The following NCOA3 variants were observed in gnomAD, a reference collection of about 807,000 sequenced individuals.
NCOA3 encodes the protein nuclear receptor coactivator 3, also known as CBP-interacting protein.
Under a neutral mutation model 158.8 loss-of-function variants are expected in NCOA3, and 51 were observed. That is an observed-to-expected ratio of 0.32 (90% CI 0.26 to 0.41). The LOEUF is 0.41. Ranked by LOEUF, NCOA3 falls within the 10% of genes least tolerant of loss-of-function variation. The pLI is 1.00. For synonymous variants in NCOA3, 537 were observed against 592.4 expected, an observed-to-expected ratio of 0.91 and a Z score of 1.36; for missense variants, 1,510 against 1,746.6, an observed-to-expected ratio of 0.86 and a Z score of 2.41.
chr20:47,616,998 A>G (rs1192349250), intron 2 of NCOA3, among the ~76,000 whole-genome samples: 1 of 152,124 alleles, frequency 6.6e-6, no homozygotes, highest in Non-Finnish European at 1.5e-5. Flanking sequence ...TCTGTCATCC[A>G]GGCTGGAGTG....
intron 1 of NCOA3, among the ~76,000 whole-genome samples, chr20:47,511,639 C>T (rs1484611346): frequency 6.8e-6 from 1 of 147,344 alleles, no homozygotes; most frequent in African/African-American, 2.5e-5. Flanking sequence ...CAACCTCCAC[C>T]TCCCCGGTTC....
At chr20:47,529,974 T>G (rs577765817) in intron 1 of NCOA3, among the ~76,000 whole-genome samples, 3 of 152,372 alleles carry the variant, frequency 2.0e-5, no homozygotes, top group East Asian at 3.8e-4. Flanking sequence ...AATTTTCCAC[T>G]ATTTCCCATA....
At chr20:47,633,762 C>G in intron 9 of NCOA3, 126 bp downstream of exon 9, 2 of 1,083,942 alleles carry the variant, frequency 1.8e-6, no homozygotes, top group Non-Finnish European at 2.7e-6. Context: ...TTCTGAGTAG[C>G]CAAGACTGCA....
intron 1 of NCOA3, among the ~76,000 whole-genome samples, chr20:47,522,431 T>A (rs2084357637): frequency 6.7e-6 from 1 of 149,138 alleles, no homozygotes; most frequent in African/African-American, 2.5e-5. Flanking sequence ...TTTTGTGGTT[T>A]TAAGGAGAGA....
chr20:47,542,719 T>A (rs1025022405), intron 1 of NCOA3, among the ~76,000 whole-genome samples: 4 of 152,140 alleles, frequency 2.6e-5, no homozygotes. Context: ...CCCAGCGCTT[T>A]GGGAAGCCCA....
chr20:47,532,728 T>C (rs1201135224), intron 1 of NCOA3, among the ~76,000 whole-genome samples: 1 of 152,120 alleles, frequency 6.6e-6, no homozygotes, highest in Non-Finnish European at 1.5e-5. Context: ...CCACCTCAGC[T>C]TCCCAAAGTA....
chr20:47,519,747 GC>G (rs2084295527), intron 1 of NCOA3, among the ~76,000 whole-genome samples: 1 of 152,098 alleles, frequency 6.6e-6, no homozygotes, highest in Admixed American at 6.6e-5. Context: ...GGGCAATGTG[GC>G]AAAACTCTTG....
At chr20:47,502,361 C>T (rs1343818980) in intron 1 of NCOA3, among the ~76,000 whole-genome samples, 2 of 152,094 alleles carry the variant, frequency 1.3e-5, no homozygotes, top group African/African-American at 4.8e-5. Flanking sequence ...AAAGTTTTTT[C>T]TTCCTCTTGC....
intron 2 of NCOA3, among the ~76,000 whole-genome samples, chr20:47,605,517 T>C (rs2085931985): frequency 6.6e-6 from 1 of 152,148 alleles, no homozygotes; most frequent in African/African-American, 2.4e-5. Context: ...ATAATAACTT[T>C]AGCTATTGAT....
chr20:47,565,233 G>A (rs1042485805), intron 1 of NCOA3, among the ~76,000 whole-genome samples: 1 of 152,070 alleles, frequency 6.6e-6, no homozygotes, highest in African/African-American at 2.4e-5. Context: ...CGCCTGCCTC[G>A]GCCTCCCAAT....
intron 2 of NCOA3, among the ~76,000 whole-genome samples, chr20:47,621,626 C>G (rs2086241478): frequency 6.8e-6 from 1 of 147,870 alleles, no homozygotes; most frequent in African/African-American, 2.6e-5. Flanking sequence ...AAATTTTAAC[C>G]AAAGCATACT....
At chr20:47,529,664 A>G (rs367895549) in intron 1 of NCOA3, among the ~76,000 whole-genome samples, 3 of 152,006 alleles carry the variant, frequency 2.0e-5, no homozygotes, top group Admixed American at 6.6e-5. Flanking sequence ...CACCGGCTCA[A>G]CCTCTCAAAG....
At position 47,516,750 on chromosome 20, in the gene NCOA3, G is replaced by T. The variant is rs573601476; in HGVS notation, c.-99+14731G>T. Among the ~76,000 whole-genome samples, 10 of 151,828 alleles carry T rather than the reference G, an allele frequency of 6.6e-5. No individual in the cohort carries two copies. The East Asian group carries it at 1.9e-3, about 29-fold the overall frequency. On this transcript the variant is annotated intron_variant, in intron 1 of 22. Coordinates refer to ENST00000371998, the MANE Select transcript of NCOA3 (RefSeq NM_181659.3). ...AGCCTGGCCAACATGGTAAAACCCT[G>T]TCTCTACAAAAAAGTACAAAAATAA...
chr20:47,534,514 C>T (rs35322196), intron 1 of NCOA3, among the ~76,000 whole-genome samples: 31,257 of 151,998 alleles, frequency 0.21, 3,711 homozygotes, highest in Middle Eastern at 0.3. Flanking sequence ...ACGTTGTGGA[C>T]GTTCAGAAAA....
intron 2 of NCOA3, among the ~76,000 whole-genome samples, chr20:47,598,087 A>G (rs1380034695): frequency 3.3e-5 from 5 of 151,268 alleles, no homozygotes; most frequent in Admixed American, 2.6e-4. Flanking sequence ...CCACTAAAAA[A>G]TACAAAAAAA....
At chr20:47,538,291 A>G (rs754042751) in intron 1 of NCOA3, among the ~76,000 whole-genome samples, 11 of 152,224 alleles carry the variant, frequency 7.2e-5, no homozygotes, top group East Asian at 5.8e-4. Context: ...CTGGACTGCT[A>G]TAGTAATTCA....
intron 8 of NCOA3, chr20:47,630,304 C>T (rs2086392190): frequency 6.6e-6 from 1 of 152,116 alleles, no homozygotes. Context: ...TTTCTGTCAG[C>T]TTATTCAATA....
Position 47,543,115 on chromosome 20 carries a change from A to G in NCOA3, c.-98-40068A>G, listed in dbSNP as rs114050898. ...CATCTGAAGGTTTAACAAAGGCTGGAGGATTTGCTTCCGAGGTGGCTTACT... is the reference window on the plus strand; with the variant it reads ...CATCTGAAGGTTTAACAAAGGCTGGGGGATTTGCTTCCGAGGTGGCTTACT... On this transcript the variant is annotated intron_variant, in intron 1 of 22. Transcript: ENST00000371998. Among the ~76,000 whole-genome samples the G allele has an allele frequency of 4.6e-3, 706 of 152,266 alleles. 3 individuals are homozygous for G. The highest frequency in any genetic ancestry group is 0.015 in the African/African-American group (635 of 41,536).
At chr20:47,599,347 G>A (rs2085819058) in intron 2 of NCOA3, among the ~76,000 whole-genome samples, 1 of 152,134 alleles carries the variant, frequency 6.6e-6, no homozygotes, top group African/African-American at 2.4e-5. Flanking sequence ...CAAGGGCAGG[G>A]GTGAATAGGT....
Sources: gnomAD v4.1 joint callset for allele counts (sites outside exome capture counted in the v4.1 genomes callset) on GRCh38, gnomAD v4.1.1 for gene constraint, MANE v1.5 for transcripts, NCBI Gene and HGNC (gene_info 2026-07-23, HGNC 2026-07-21) for gene names.